The following FCHSD2 variants were observed in gnomAD, a reference collection of about 807,000 sequenced individuals.
FCHSD2 encodes the protein FCH and double SH3 domains 2, also known as F-BAR and double SH3 domains protein 2.
Under a neutral mutation model 108.1 loss-of-function variants are expected in FCHSD2, and 38 were observed. The ratio of observed to expected loss-of-function variants is 0.35; its 90% CI spans 0.27 to 0.46. The LOEUF is 0.46. Among genes scored for constraint, FCHSD2 ranks in the 20% least tolerant of loss-of-function variants. The pLI, the probability that FCHSD2 is intolerant of heterozygous loss-of-function variation, is 1.00. For missense variants in FCHSD2, 751 were observed against 897.8 expected (o/e 0.84, Z 2.09); for synonymous variants, 279 against 314.7 (o/e 0.89, Z 1.20).
intron 9 of FCHSD2, among the ~76,000 whole-genome samples, chr11:72,908,342 TGA>T (rs34434620): frequency 0.99 from 150,970 of 152,344 alleles, 74,803 homozygotes; most frequent in East Asian, 1. Context: ...GCAATCAACA[TGA>T]GAGTGCAGAT....
At chr11:72,876,955 A>G (rs1854982634) in intron 12 of FCHSD2, among the ~76,000 whole-genome samples, 1 of 152,060 alleles carries the variant, frequency 6.6e-6, no homozygotes, top group African/African-American at 2.4e-5. Context: ...TATTTTGTCT[A>G]ACAGTAATAT....
intron 10 of FCHSD2, among the ~76,000 whole-genome samples, chr11:72,895,253 G>A (rs761534754): frequency 1.3e-5 from 2 of 152,124 alleles, no homozygotes; most frequent in Non-Finnish European, 2.9e-5. Flanking sequence ...TGGGGAAAAG[G>A]AATATACCCA....
chr11:72,905,214 G>C (rs1488123057), intron 9 of FCHSD2, among the ~76,000 whole-genome samples: 1 of 151,980 alleles, frequency 6.6e-6, no homozygotes, highest in Non-Finnish European at 1.5e-5. Flanking sequence ...ACCTTCTTCT[G>C]GTATCTTCAC....
intron 13 of FCHSD2, among the ~76,000 whole-genome samples, chr11:72,850,392 T>C (rs1861253877): frequency 6.6e-6 from 1 of 150,982 alleles, no homozygotes; most frequent in Admixed American, 6.6e-5. Flanking sequence ...TTTATTTTAT[T>C]TTTGAGACGG....
intron 2 of FCHSD2, among the ~76,000 whole-genome samples, chr11:73,090,219 CTTTTTTTTTTTT>C (rs59603567): frequency 6.5e-5 from 5 of 77,022 alleles, no homozygotes; most frequent in Admixed American, 1.8e-4. Context: ...TACAATACTT[CTTTTTTTTTTTT>C]TTTTTTTTTT....
intron 2 of FCHSD2, among the ~76,000 whole-genome samples, chr11:73,108,108 T>C (rs2135541332): frequency 6.6e-6 from 1 of 152,350 alleles, no homozygotes; most frequent in East Asian, 1.9e-4. Flanking sequence ...TAAACGCCAT[T>C]TGAACTGGGG....
At chr11:73,028,640 T>A (rs1858285298) in intron 3 of FCHSD2, among the ~76,000 whole-genome samples, 1 of 152,170 alleles carries the variant, frequency 6.6e-6, no homozygotes, top group Non-Finnish European at 1.5e-5. Flanking sequence ...ACATGAGATT[T>A]GGGTGGGCCA....
At chr11:73,068,364 G>T (rs1011404972) in intron 3 of FCHSD2, among the ~76,000 whole-genome samples, 1 of 150,994 alleles carries the variant, frequency 6.6e-6, no homozygotes, top group Non-Finnish European at 1.5e-5. Flanking sequence ...GTGGGGTTGG[G>T]GGGGCGGAGA....
chr11:72,887,506 T>C lies in FCHSD2; in HGVS notation c.1110A>G (p.Lys370=), dbSNP rs774474990. ...GAATATTTTCTCTAGCTTCATCTATTTTCTGTTCTAGCTCTGCTCGGCTTT... is the reference window on the plus strand; with the variant it reads ...GAATATTTTCTCTAGCTTCATCTATCTTCTGTTCTAGCTCTGCTCGGCTTT... The part of the protein sequence containing the change: ...SEQSRAELEQ[K]IDEARENIRK... Residue 370 remains lysine, a synonymous_variant, in exon 12 of 20, where the codon AAA becomes AAG. Coordinates refer to ENST00000409418, the MANE Select transcript of FCHSD2 (RefSeq NM_014824.3). The C allele has an allele frequency of 3.1e-6, 5 of 1,606,712 alleles. No individual in the cohort carries two copies. The East Asian group carries it at 1.1e-4, about 36-fold the overall frequency.
intron 3 of FCHSD2, among the ~76,000 whole-genome samples, chr11:73,045,061 C>T (rs896386267): frequency 5.6e-4 from 83 of 148,686 alleles, no homozygotes; most frequent in African/African-American, 2.0e-3. Context: ...CAGAGCAAGA[C>T]TCCATCTCAA....
At chr11:72,912,072 A>G (rs1226364893) in intron 9 of FCHSD2, among the ~76,000 whole-genome samples, 1 of 152,218 alleles carries the variant, frequency 6.6e-6, no homozygotes, top group Non-Finnish European at 1.5e-5. Flanking sequence ...TTTTCAAAAT[A>G]TAAGCCTACA....
At position 73,033,368 on chromosome 11, in the gene FCHSD2, T is replaced by C. The variant is rs1858412387; in HGVS notation, c.166-17483A>G. On this transcript the variant is annotated intron_variant, in intron 3 of 19. Coordinates refer to ENST00000409418, the MANE Select transcript of FCHSD2 (RefSeq NM_014824.3). ...ACTCTAGTCCTGTCCAAAGATGATA[T>C]GCACAGTATGGAGGCAAAGAGATGT... is the stretch of plus-strand genomic sequence containing the variant. 2.0e-5 allele frequency among the ~76,000 whole-genome samples: 3 copies of C among 151,602 alleles called. No individual in the cohort carries two copies. In the South Asian group the frequency reaches 6.3e-4, roughly 32 times the overall value.
chr11:73,095,375 T>C (rs934061347), intron 2 of FCHSD2, among the ~76,000 whole-genome samples: 8 of 152,280 alleles, frequency 5.3e-5, no homozygotes, highest in Middle Eastern at 3.4e-3. Context: ...TCTAATTCAG[T>C]TTTAACATTT....
chr11:73,123,681 G>T (rs927614246), intron 2 of FCHSD2, among the ~76,000 whole-genome samples: 5 of 152,140 alleles, frequency 3.3e-5, no homozygotes, highest in Non-Finnish European at 5.9e-5. Flanking sequence ...CTTCTTAATT[G>T]CATAACCATC....
At chr11:72,966,360 A>T (rs1367654970) in intron 8 of FCHSD2, among the ~76,000 whole-genome samples, 2 of 152,032 alleles carry the variant, frequency 1.3e-5, no homozygotes, top group African/African-American at 4.8e-5. Flanking sequence ...GGGTTTCGTC[A>T]TGTTGGCCAG....
At chr11:72,937,212 A>G (rs2135335728) in intron 8 of FCHSD2, among the ~76,000 whole-genome samples, 1 of 152,344 alleles carries the variant, frequency 6.6e-6, no homozygotes, top group South Asian at 2.1e-4. Context: ...ACAGAAGTTT[A>G]GATATTTAGG....
chr11:73,067,048 G>A lies in FCHSD2; in HGVS notation c.165+16647C>T, dbSNP rs1023706364. On this transcript the variant is annotated intron_variant, in intron 3 of 19. Transcript: ENST00000409418. The stretch of plus-strand genomic sequence containing the variant: ...ACACATGCACACGTATGTTTATTCC[G>A]GCACTATTCACAATAGCAAAGACTT... Among the ~76,000 whole-genome samples, 12 of 152,066 alleles carry A rather than the reference G, an allele frequency of 7.9e-5. No homozygotes were observed. The South Asian group carries it at 8.3e-4, about 11-fold the overall frequency.
At chr11:73,137,706 TGGGA>T (rs1044694739) in intron 2 of FCHSD2, among the ~76,000 whole-genome samples, 1 of 152,030 alleles carries the variant, frequency 6.6e-6, no homozygotes, top group Non-Finnish European at 1.5e-5. Context: ...GGTGAAAAAG[TGGGA>T]GGAAGGGTAC....
chr11:73,049,241 C>T (rs1858835775), intron 3 of FCHSD2, among the ~76,000 whole-genome samples: 1 of 151,976 alleles, frequency 6.6e-6, no homozygotes, highest in South Asian at 2.1e-4. Context: ...CAGTTGAGTG[C>T]CCAGTATATA....
Sources: gnomAD v4.1 joint callset for allele counts (sites outside exome capture counted in the v4.1 genomes callset) on GRCh38, gnomAD v4.1.1 for gene constraint, MANE v1.5 for transcripts, NCBI Gene and HGNC (gene_info 2026-07-23, HGNC 2026-07-21) for gene names.